RAB40C: variants seen among roughly 807,000 people sequenced by gnomAD.
The protein encoded by RAB40C is ras-related protein Rab-40C.
A neutral mutation model predicts 28.1 loss-of-function variants in RAB40C; 8 were observed. The observed-to-expected ratio is 0.28, with a 90% confidence interval of 0.17 to 0.51. RAB40C has a LOEUF of 0.51. Ranked by LOEUF, RAB40C falls within the 20% of genes least tolerant of loss-of-function variation. The pLI is 0.97. For missense variants in RAB40C, 288 were observed against 405.9 expected (o/e 0.71, Z 2.50); for synonymous variants, 201 against 171.7 (o/e 1.17, Z -1.34).
At chr16:608,024 C>A (rs369801150) in intron 1 of RAB40C, among the ~76,000 whole-genome samples, 1 of 152,128 alleles carries the variant, frequency 6.6e-6, no homozygotes, top group Admixed American at 6.6e-5. Context: ...CCACACGTTC[C>A]TGGGCAGCCT....
Position 590,210 on chromosome 16 carries a change from C to G in RAB40C, c.-82C>G. 9.2e-7 allele frequency: 1 copy of G among 1,086,774 alleles called. No individual in the cohort carries two copies. Among genetic ancestry groups the G allele is most frequent in the Non-Finnish European group, 1.1e-6 (1 of 876,812 alleles). The allele number at this position is 1,086,774 out of a possible 1,614,324, so 67.3% of individuals were successfully genotyped here. A position where few individuals can be genotyped will look rare whatever the true frequency, so the allele number is the denominator to read the frequency against. ...GGGGCGGACGCAACGGGCGCAGGTG[C>G]GGGGCGCGGGCTCTCTCACGCCGCG... On this transcript the variant is annotated 5_prime_UTR_variant, in exon 1 of 6. Transcript: ENST00000248139.
At chr16:596,887 T>C (rs1434886682) in intron 1 of RAB40C, among the ~76,000 whole-genome samples, 1 of 152,130 alleles carries the variant, frequency 6.6e-6, no homozygotes, top group African/African-American at 2.4e-5. Flanking sequence ...TGAGCCGACC[T>C]GGGGATGGCG....
At chr16:627,132 CT>C (rs2036855753) in intron 5 of RAB40C, among the ~76,000 whole-genome samples, 1 of 152,218 alleles carries the variant, frequency 6.6e-6, no homozygotes, top group South Asian at 2.1e-4. Flanking sequence ...GCGTGCCTGG[CT>C]TTAGGGAGCA....
rs145581890 is a variant in RAB40C at position 615,439 on chromosome 16, C to T, written c.143-1769C>T. ...GCGTCGCTTATGTTTAAAAAGTGCC[C>T]GTTTCCAAGCCCCTTGGAGAAAGTG... On this transcript the variant is annotated intron_variant, in intron 1 of 5. Coordinates refer to ENST00000248139, the MANE Select transcript of RAB40C (RefSeq NM_021168.5). Among the ~76,000 whole-genome samples the T allele has an allele frequency of 3.9e-3, 588 of 152,274 alleles. 2 individuals carry two copies. Among genetic ancestry groups the T allele is most frequent in the African/African-American group, 0.013 (541 of 41,552 alleles).
At chr16:609,993 G>A (rs2036449437) in intron 1 of RAB40C, among the ~76,000 whole-genome samples, 1 of 152,168 alleles carries the variant, frequency 6.6e-6, no homozygotes, top group Non-Finnish European at 1.5e-5. Context: ...AAACAGAATG[G>A]GTCCCACGGG....
intron 1 of RAB40C, among the ~76,000 whole-genome samples, chr16:594,536 G>A (rs1263303282): frequency 1.3e-5 from 2 of 152,164 alleles, no homozygotes; most frequent in African/African-American, 2.4e-5. Flanking sequence ...AGTTACAAAC[G>A]TTTCTTCTCA....
chr16:599,668 C>T (rs55751178), intron 1 of RAB40C, among the ~76,000 whole-genome samples: 1 of 147,690 alleles, frequency 6.8e-6, no homozygotes, highest in Non-Finnish European at 1.5e-5. Flanking sequence ...AGGTTTTGTT[C>T]CCTTGTGGCA....
At chr16:609,427 C>T (rs1300132233) in intron 1 of RAB40C, among the ~76,000 whole-genome samples, 3 of 152,080 alleles carry the variant, frequency 2.0e-5, no homozygotes, top group Non-Finnish European at 2.9e-5. Context: ...GATGGGAGCC[C>T]GTGGCAGGAT....
At chr16:606,084 T>G (rs953479699) in intron 1 of RAB40C, among the ~76,000 whole-genome samples, 1 of 152,258 alleles carries the variant, frequency 6.6e-6, no homozygotes, top group Non-Finnish European at 1.5e-5. Flanking sequence ...TTTCTACTCC[T>G]TTTCTGTTAT....
In RAB40C at chr16:629,252, G is replaced by C. The variant is rs985963686; in HGVS notation, c.*1630G>C. 2.3e-5 allele frequency: 7 copies of C among 300,930 alleles called. No homozygotes were observed. The highest frequency in any genetic ancestry group is 1.5e-4 in the African/African-American group (7 of 46,236). The allele number at this position is 300,930 out of a possible 1,614,324, so 18.6% of individuals were successfully genotyped here. A position where few individuals can be genotyped will look rare whatever the true frequency, so the allele number is the denominator to read the frequency against. On this transcript the variant is annotated 3_prime_UTR_variant, in exon 6 of 6. Coordinates refer to ENST00000248139, the MANE Select transcript of RAB40C (RefSeq NM_021168.5). Reference sequence around the variant, plus strand: ...CCGAACCGTTCTTTGTACAGTAAATGTAATTCAGCTGTGGTCCCCACGTTT... The same window carrying C: ...CCGAACCGTTCTTTGTACAGTAAATCTAATTCAGCTGTGGTCCCCACGTTT...
intron 3 of RAB40C, chr16:625,054 C>G (rs1176485328): frequency 7.7e-7 from 1 of 1,294,824 alleles, no homozygotes; most frequent in Admixed American, 2.3e-5. Context: ...CCAGGTACTC[C>G]CGGGGGGATT....
At chr16:611,048 C>T (rs2036472147) in intron 1 of RAB40C, among the ~76,000 whole-genome samples, 1 of 152,200 alleles carries the variant, frequency 6.6e-6, no homozygotes, top group African/African-American at 2.4e-5. Context: ...GCTGAGAATC[C>T]TGTTCTGACG....
intron 1 of RAB40C, among the ~76,000 whole-genome samples, chr16:593,267 C>T (rs1162471766): frequency 6.6e-6 from 1 of 152,256 alleles, no homozygotes; most frequent in Admixed American, 6.5e-5. Context: ...GGGGGCTATT[C>T]AGGGTCTCAG....
chr16:590,995 T>A (rs578156774), intron 1 of RAB40C, among the ~76,000 whole-genome samples: 1 of 148,554 alleles, frequency 6.7e-6, no homozygotes, highest in Admixed American at 6.7e-5. Context: ...GAAGGCGTCA[T>A]GGGCCAAAAG....
rs1435667646 is a variant in RAB40C at position 598,614 on chromosome 16, C to T, written c.142+8181C>T. Among the ~76,000 whole-genome samples the T allele has an allele frequency of 6.0e-5, 9 of 150,158 alleles. No homozygotes were observed. The South Asian group carries it at 6.4e-4, about 11-fold the overall frequency. ...AAAATTAGCTGGGTGTGGTGGTGCA[C>T]GTCTGTAGTCCCAATTACTTGGGAG... On this transcript the variant is annotated intron_variant, in intron 1 of 5. Coordinates refer to ENST00000248139, the MANE Select transcript of RAB40C (RefSeq NM_021168.5).
rs1311178336 is a variant in RAB40C, at chr16:625,289, G to T, written c.265-143G>T. The T allele has an allele frequency of 7.5e-6, 11 of 1,462,666 alleles. No homozygotes were observed. In the East Asian group the frequency reaches 2.8e-4, roughly 37 times the overall value. The allele number at this position is 1,462,666 out of a possible 1,614,324, so 90.6% of individuals were successfully genotyped here. A position where few individuals can be genotyped will look rare whatever the true frequency, so the allele number is the denominator to read the frequency against. The stretch of plus-strand genomic sequence containing the variant: ...AGGGCTGCACCAGCTCTGCCTGGAG[G>T]GCATGGCTCATCTGCCCATCCGCCA... On this transcript the variant is annotated intron_variant, in intron 3 of 5. Coordinates refer to ENST00000248139, the MANE Select transcript of RAB40C (RefSeq NM_021168.5).
At chr16:609,656 C>T (rs763357767) in intron 1 of RAB40C, among the ~76,000 whole-genome samples, 2 of 152,178 alleles carry the variant, frequency 1.3e-5, no homozygotes, top group Non-Finnish European at 2.9e-5. Context: ...GAGCCAGACG[C>T]TGCCAGAGGG....
intron 1 of RAB40C, among the ~76,000 whole-genome samples, chr16:596,797 T>G (rs972453909): frequency 6.6e-6 from 1 of 152,126 alleles, no homozygotes; most frequent in Non-Finnish European, 1.5e-5. Flanking sequence ...AGGGGCCTCT[T>G]CAGTCCTCTT....
rs2036778234 is a variant in RAB40C at position 624,142 on chromosome 16, C to T, written c.265-1290C>T. 3 of 985,332 alleles carry T rather than the reference C, an allele frequency of 3.0e-6. No homozygotes were observed. In the South Asian group the frequency reaches 1.4e-4, roughly 46 times the overall value. 61.0% of individuals were successfully genotyped at this position (985,332 alleles called of 1,614,324 possible). On this transcript the variant is annotated intron_variant, in intron 3 of 5. Transcript: ENST00000248139. ...TCTGGCTTGTCGTTGTTATCAGCGC[C>T]ACTGTGACACACATCCTCAGTTACT...
Sources: gnomAD v4.1 joint callset for allele counts (sites outside exome capture counted in the v4.1 genomes callset) on GRCh38, gnomAD v4.1.1 for gene constraint, MANE v1.5 for transcripts, NCBI Gene and HGNC (gene_info 2026-07-23, HGNC 2026-07-21) for gene names.